DCDC1: variants seen among roughly 807,000 people sequenced by gnomAD.
DCDC1 encodes the protein doublecortin domain containing 1.
A neutral mutation model predicts 178.3 loss-of-function variants in DCDC1; 200 were observed. That is an observed-to-expected ratio of 1.12 (90% confidence interval 1.00 to 1.26). The LOEUF (loss-of-function observed/expected upper bound fraction) is 1.26, where lower values mean the gene tolerates loss of function less well. Among genes scored for constraint, DCDC1 ranks in the 50% most tolerant of loss-of-function variants. The pLI, the probability that DCDC1 is intolerant of heterozygous loss-of-function variation, is 0.00. For synonymous variants in DCDC1, 690 were observed against 604.8 expected, an observed-to-expected ratio of 1.14 and a Z score of -2.07; for missense variants, 1,983 against 1,749.2, an observed-to-expected ratio of 1.13 and a Z score of -2.38.
At chr11:31,128,514 T>A (rs1276542052) in intron 10 of DCDC1, among the ~76,000 whole-genome samples, 2 of 152,160 alleles carry the variant, frequency 1.3e-5, no homozygotes, top group Admixed American at 1.3e-4. Flanking sequence ...TAAACACTGG[T>A]TGATATTATG....
chr11:31,155,714 A>C (rs1356917476), intron 9 of DCDC1, among the ~76,000 whole-genome samples: 2 of 152,186 alleles, frequency 1.3e-5, no homozygotes, highest in Non-Finnish European at 2.9e-5. Context: ...AAACTACCCT[A>C]GGCTGGAGGC....
At chr11:30,921,910 A>C (rs1247612920) in intron 24 of DCDC1, among the ~76,000 whole-genome samples, 3 of 152,056 alleles carry the variant, frequency 2.0e-5, no homozygotes, top group African/African-American at 4.8e-5. Flanking sequence ...AGCAGGGGTG[A>C]GGTGGCTCTG....
At chr11:30,945,943 CCT>C (rs1209631098) in intron 21 of DCDC1, among the ~76,000 whole-genome samples, 1 of 152,064 alleles carries the variant, frequency 6.6e-6, no homozygotes, top group African/African-American at 2.4e-5. Context: ...TTTAAAACAG[CCT>C]CTTTTTTTGT....
chr11:30,960,177 T>C (rs1466486017), intron 20 of DCDC1, among the ~76,000 whole-genome samples: 1 of 152,162 alleles, frequency 6.6e-6, no homozygotes, highest in Non-Finnish European at 1.5e-5. Context: ...AGTATAAATA[T>C]ATAATAGAAC....
At chr11:31,061,662 T>C (rs1344927670) in intron 20 of DCDC1, among the ~76,000 whole-genome samples, 1 of 152,118 alleles carries the variant, frequency 6.6e-6, no homozygotes, top group Admixed American at 6.6e-5. Context: ...GAAGATTTCT[T>C]ATGAAATCAA....
chr11:30,986,849 A>AT (rs1413533419), intron 20 of DCDC1, among the ~76,000 whole-genome samples: 1 of 152,228 alleles, frequency 6.6e-6, no homozygotes, highest in Non-Finnish European at 1.5e-5. Flanking sequence ...ATAATAGAGT[A>AT]AACAGTTCTG....
chr11:31,134,434 T>C (rs1462123086), intron 10 of DCDC1, among the ~76,000 whole-genome samples: 1 of 152,162 alleles, frequency 6.6e-6, no homozygotes, highest in African/African-American at 2.4e-5. Context: ...GGCTCAAAAA[T>C]CCACCAACAG....
At chr11:31,135,623 G>C (rs777136885) in intron 10 of DCDC1, among the ~76,000 whole-genome samples, 5 of 152,106 alleles carry the variant, frequency 3.3e-5, no homozygotes, top group Non-Finnish European at 4.4e-5. Context: ...GAAAGTATCA[G>C]ATGTACACAC....
At chr11:31,213,451 G>A (rs1456339866) in intron 9 of DCDC1, among the ~76,000 whole-genome samples, 1 of 151,904 alleles carries the variant, frequency 6.6e-6, no homozygotes, top group Non-Finnish European at 1.5e-5. Context: ...GGGGGCGGTG[G>A]CTTATCATGT....
At chr11:31,191,488 T>C (rs749056854) in intron 9 of DCDC1, among the ~76,000 whole-genome samples, 7 of 152,148 alleles carry the variant, frequency 4.6e-5, no homozygotes, top group African/African-American at 7.2e-5. Context: ...ACAGACAATA[T>C]CAAAAGGTAT....
At chr11:31,279,246 T>G (rs2210143) in intron 7 of DCDC1, among the ~76,000 whole-genome samples, 40,942 of 151,590 alleles carry the variant, frequency 0.27, 6,533 homozygotes, top group East Asian at 0.61. Context: ...TTTCTTTTTT[T>G]TGTGTGTGTG....
chr11:30,920,324 T>C (rs1946156081), intron 25 of DCDC1, among the ~76,000 whole-genome samples: 1 of 152,208 alleles, frequency 6.6e-6, no homozygotes, highest in African/African-American at 2.4e-5. Flanking sequence ...AAGTTAATTG[T>C]CTACAGTTTA....
Position 31,170,259 on chromosome 11 carries a change from C to G in DCDC1, c.1222-32475G>C, listed in dbSNP as rs112162170. Among the ~76,000 whole-genome samples the G allele has an allele frequency of 2.2e-3, 340 of 152,274 alleles. 3 individuals are homozygous for G. Among genetic ancestry groups the G allele is most frequent in the African/African-American group, 7.7e-3 (321 of 41,548 alleles). The stretch of plus-strand genomic sequence containing the variant: ...ACACATGGTGTATGCTGATGTCATT[C>G]TGGACCATCCACCCACTCTTCTTGG... On this transcript the variant is annotated intron_variant, in intron 9 of 38. Transcript: ENST00000684477.
At chr11:31,187,965 A>G (rs566762359) in intron 9 of DCDC1, among the ~76,000 whole-genome samples, 1 of 152,328 alleles carries the variant, frequency 6.6e-6, no homozygotes, top group South Asian at 2.1e-4. Flanking sequence ...TTGCACAGCA[A>G]TTGCATTTAT....
At chr11:31,129,617 T>C (rs1962162020) in intron 10 of DCDC1, among the ~76,000 whole-genome samples, 1 of 152,154 alleles carries the variant, frequency 6.6e-6, no homozygotes, top group Admixed American at 6.6e-5. Flanking sequence ...GGGCTATATT[T>C]TGCAGATCCC....
At chr11:31,095,939 G>T (rs530058527) in intron 15 of DCDC1, among the ~76,000 whole-genome samples, 1 of 152,106 alleles carries the variant, frequency 6.6e-6, no homozygotes, top group African/African-American at 2.4e-5. Flanking sequence ...AAATGATGTT[G>T]CTTCAATAAC....
intron 17 of DCDC1, 132 bp from the exon 18 acceptor site, chr11:31,078,057 C>A: frequency 4.6e-6 from 3 of 645,750 alleles, no homozygotes; most frequent in Non-Finnish European, 2.8e-6. Flanking sequence ...ATTCTGCCAC[C>A]ATCACTTTTA....
At chr11:30,957,808 C>T (rs899297392) in intron 20 of DCDC1, among the ~76,000 whole-genome samples, 1 of 152,108 alleles carries the variant, frequency 6.6e-6, no homozygotes, top group Non-Finnish European at 1.5e-5. Flanking sequence ...GCAACGACAT[C>T]CTATATTGTA....
chr11:31,117,856 G>T (rs1056764250), intron 11 of DCDC1, among the ~76,000 whole-genome samples: 60 of 152,010 alleles, frequency 3.9e-4, no homozygotes, highest in Non-Finnish European at 7.5e-4. Context: ...CTTTATAAAT[G>T]GAATATCTCA....
Sources: gnomAD v4.1 joint callset for allele counts (sites outside exome capture counted in the v4.1 genomes callset) on GRCh38, gnomAD v4.1.1 for gene constraint, MANE v1.5 for transcripts, NCBI Gene and HGNC (gene_info 2026-07-23, HGNC 2026-07-21) for gene names.